ADAMTS2: variants seen among roughly 807,000 people sequenced by gnomAD.
ADAMTS2 encodes A disintegrin and metalloproteinase with thrombospondin motifs 2.
A neutral mutation model predicts 123.0 loss-of-function variants in ADAMTS2; 50 were observed. The observed-to-expected ratio is 0.41, with a 90% CI of 0.32 to 0.51. ADAMTS2 has a LOEUF of 0.51. ADAMTS2 is among the 20% of genes least tolerant of loss of function. The pLI, the probability that ADAMTS2 is intolerant of heterozygous loss-of-function variation, is 0.35. For missense variants in ADAMTS2, 1,494 were observed against 1,705.2 expected (o/e 0.88, Z 2.18); for synonymous variants, 678 against 695.4 (o/e 0.98, Z 0.39).
chr5:179,321,396 G>A (rs1241785846), intron 2 of ADAMTS2, among the ~76,000 whole-genome samples: 1 of 152,110 alleles, frequency 6.6e-6, no homozygotes, highest in African/African-American at 2.4e-5. Flanking sequence ...CCCTCACCTG[G>A]TCAGTCTAGC....
At chr5:179,304,767 A>C (rs1756626005) in intron 2 of ADAMTS2, among the ~76,000 whole-genome samples, 2 of 152,234 alleles carry the variant, frequency 1.3e-5, no homozygotes, top group African/African-American at 4.8e-5. Context: ...GAAAGAATGT[A>C]TTACTAAACA....
intron 3 of ADAMTS2, among the ~76,000 whole-genome samples, chr5:179,255,842 C>A (rs913076283): frequency 6.6e-6 from 1 of 152,202 alleles, no homozygotes; most frequent in East Asian, 1.9e-4. Flanking sequence ...AGGGGCTCTG[C>A]AGCAGCAGGC....
At chr5:179,231,466 G>A (rs376591313) in intron 3 of ADAMTS2, among the ~76,000 whole-genome samples, 5 of 152,296 alleles carry the variant, frequency 3.3e-5, no homozygotes, top group East Asian at 1.9e-4. Context: ...GGGAGAAGAC[G>A]AGTGTCTACC....
At chr5:179,226,353 G>A (rs538980229) in intron 3 of ADAMTS2, among the ~76,000 whole-genome samples, 28 of 148,444 alleles carry the variant, frequency 1.9e-4, no homozygotes, top group African/African-American at 5.7e-4. Context: ...TGCAACCACC[G>A]CCTCCCGGAT....
chr5:179,142,089 TCAGAA>T (rs1763181491), intron 10 of ADAMTS2, among the ~76,000 whole-genome samples: 1 of 151,188 alleles, frequency 6.6e-6, no homozygotes, highest in African/African-American at 2.4e-5. Context: ...AGAGGGAGAG[TCAGAA>T]CAGAAGGCTT....
rs1419735030 is a variant in ADAMTS2, at chr5:179,189,550, G to A, written c.892-8395C>T. Among the ~76,000 whole-genome samples the A allele has an allele frequency of 7.4e-6, 1 of 135,216 alleles. No homozygotes were observed. Among genetic ancestry groups the A allele is most frequent in the Non-Finnish European group, 1.5e-5 (1 of 64,718 alleles). The allele number at this position is 135,216 out of a possible 152,430, so 88.7% of individuals were successfully genotyped here. ...TTTTTTTTTTTTTTAGTAGAGGCAG[G>A]GTTTCACAATGTTAGCCAGGATGGT... On this transcript the variant is annotated intron_variant, in intron 4 of 21. Transcript: ENST00000251582. This position sits in a 1 kb window ranked among gnomAD's most constrained non-coding sequence, Gnocchi z 4.2.
At chr5:179,223,558 A>ACT (rs1765193393) in intron 3 of ADAMTS2, among the ~76,000 whole-genome samples, 2 of 150,848 alleles carry the variant, frequency 1.3e-5, no homozygotes, top group South Asian at 2.1e-4. Context: ...ATGCACTCAC[A>ACT]CACACGCGAA....
At chr5:179,266,256 C>T (rs1297470010) in intron 3 of ADAMTS2, among the ~76,000 whole-genome samples, 2 of 152,214 alleles carry the variant, frequency 1.3e-5, no homozygotes, top group South Asian at 2.1e-4. Context: ...CCCCAAAACT[C>T]GTGAGCATTA....
chr5:179,206,695 T>C (rs1252579219), intron 4 of ADAMTS2, among the ~76,000 whole-genome samples: 1 of 152,178 alleles, frequency 6.6e-6, no homozygotes, highest in Non-Finnish European at 1.5e-5. Context: ...TTTTGAAGAC[T>C]GGACGCCCCT....
intron 3 of ADAMTS2, among the ~76,000 whole-genome samples, chr5:179,267,854 G>C (rs1766414314): frequency 6.6e-6 from 1 of 152,166 alleles, no homozygotes; most frequent in Non-Finnish European, 1.5e-5. Flanking sequence ...CCTTGTGCCA[G>C]GACCTGTCTC....
rs1473580610 is a variant in ADAMTS2, at chr5:179,125,029, G to A, written c.2902C>T (p.Arg968Trp). 11 of 1,607,830 alleles carry A rather than the reference G, an allele frequency of 6.8e-6. No homozygotes were observed. Among genetic ancestry groups the A allele is most frequent in the African/African-American group, 1.3e-5 (1 of 74,538 alleles). The stretch of plus-strand genomic sequence containing the variant: ...GGGCAGAGCTCGCGGCTGCAGGCCC[G>A]GCGGCTCTCGGGCCGGGCGTCATTG... The part of the protein sequence containing the change: ...HCNDARPESR[R>W]ACSRELCPGR... The change falls in exon 19 of 22, where the codon CGG becomes TGG. Residue 968 changes from arginine to tryptophan, a missense_variant. Coordinates refer to ENST00000251582, the MANE Select transcript of ADAMTS2 (RefSeq NM_014244.5).
chr5:179,154,112 T>G lies in ADAMTS2; in HGVS notation c.1319A>C (p.Gln440Pro). The G allele has an allele frequency of 6.3e-7, 1 of 1,599,354 alleles. No individual in the cohort carries two copies. The highest frequency in any genetic ancestry group is 8.5e-7 in the Non-Finnish European group (1 of 1,177,178). The change falls in exon 8 of 22, where the codon CAG becomes CCG. Residue 440 changes from glutamine to proline, a missense_variant. Coordinates refer to ENST00000251582, the MANE Select transcript of ADAMTS2 (RefSeq NM_014244.5). ...CCAGTGGAAGCGGTGGAAGGCGGCC[T>G]GCACCAGGGGCGCCATGATGCTGCC... ...RLGSIMAPLV[Q>P]AAFHRFHWSR...
chr5:179,198,082 G>C (rs960941863), intron 4 of ADAMTS2, among the ~76,000 whole-genome samples: 1 of 152,148 alleles, frequency 6.6e-6, no homozygotes, highest in Non-Finnish European at 1.5e-5. Flanking sequence ...CAGTACTTCA[G>C]GGAGTATGTT....
chr5:179,178,530 A>G (rs1425298515), intron 5 of ADAMTS2, among the ~76,000 whole-genome samples: 2 of 152,266 alleles, frequency 1.3e-5, no homozygotes, highest in Admixed American at 6.5e-5. Flanking sequence ...ATGGCCCTGC[A>G]TGCTTTCCTT....
At chr5:179,238,212 G>A (rs916121720) in intron 3 of ADAMTS2, among the ~76,000 whole-genome samples, 1 of 152,200 alleles carries the variant, frequency 6.6e-6, no homozygotes, top group Non-Finnish European at 1.5e-5. Flanking sequence ...TAGTTCTCTG[G>A]AACATGCAGC....
At chr5:179,278,242 C>T (rs537049505) in intron 2 of ADAMTS2, among the ~76,000 whole-genome samples, 45 of 149,362 alleles carry the variant, frequency 3.0e-4, no homozygotes, top group African/African-American at 8.4e-4. Flanking sequence ...GAATAATGCT[C>T]GGGGCGGGGG....
At chr5:179,192,895 A>T (rs379589) in intron 4 of ADAMTS2, among the ~76,000 whole-genome samples, 112,228 of 152,098 alleles carry the variant, frequency 0.74, 42,204 homozygotes, top group East Asian at 0.91. Flanking sequence ...TGCTGATGCA[A>T]CCTGGGTGCT....
intron 4 of ADAMTS2, among the ~76,000 whole-genome samples, chr5:179,182,236 C>T (rs1764067163): frequency 6.6e-6 from 1 of 152,318 alleles, no homozygotes; most frequent in South Asian, 2.1e-4. Context: ...CTAAGCAGCA[C>T]CTGGCAGGCA....
intron 5 of ADAMTS2, among the ~76,000 whole-genome samples, chr5:179,166,221 C>G (rs543924618): frequency 9.9e-5 from 15 of 152,260 alleles, no homozygotes; most frequent in Non-Finnish European, 2.1e-4. Flanking sequence ...CTCGTCCAGG[C>G]CCCTGGGGCC....
Sources: allele counts gnomAD v4.1 joint callset (sites outside exome capture counted in the v4.1 genomes callset), GRCh38; gene constraint gnomAD v4.1.1; non-coding constraint Gnocchi (gnomAD v3.1); transcripts MANE v1.5; gene names NCBI Gene and HGNC (gene_info 2026-07-23, HGNC 2026-07-21).